Variants in ACSS3 observed in about 807,000 individuals in gnomAD.
ACSS3 encodes the protein acyl-CoA synthetase short-chain family member 3, mitochondrial.
A neutral mutation model predicts 84.2 loss-of-function variants in ACSS3; 64 were observed. That is an observed-to-expected ratio of 0.76 (90% CI 0.62 to 0.94). The LOEUF (loss-of-function observed/expected upper bound fraction) is 0.94. Ranked by LOEUF, ACSS3 falls within the 40% of genes least tolerant of loss-of-function variation. The pLI is 0.00. For missense variants in ACSS3, 815 were observed against 867.6 expected (o/e 0.94, Z 0.76); for synonymous variants, 317 against 310.1 (o/e 1.02, Z -0.23).
intron 2 of ACSS3, among the ~76,000 whole-genome samples, chr12:81,117,636 C>G (rs922927629): frequency 6.6e-6 from 1 of 152,088 alleles, no homozygotes; most frequent in African/African-American, 2.4e-5. Flanking sequence ...CATATAGAAC[C>G]TTGCAGGCCA....
At chr12:81,121,081 C>G (rs566831336) in intron 2 of ACSS3, among the ~76,000 whole-genome samples, 2 of 152,292 alleles carry the variant, frequency 1.3e-5, no homozygotes, top group Admixed American at 6.5e-5. Flanking sequence ...CCAGCTATTG[C>G]AATGATCTCA....
At chr12:81,189,572 G>A (rs2031458943) in intron 8 of ACSS3, among the ~76,000 whole-genome samples, 1 of 151,860 alleles carries the variant, frequency 6.6e-6, no homozygotes, top group Non-Finnish European at 1.5e-5. Context: ...TAATTTGTAG[G>A]AGTTTTTCAT....
rs756118940 is a variant in ACSS3 at position 81,257,959 on chromosome 12, T to A, written c.*3037T>A. ...AATTGATTTTAGTGATTGAGTGTTA[T>A]ATAATAGTAGATACAAATCTAGTTA... On this transcript the variant is annotated 3_prime_UTR_variant, in exon 16 of 16. Transcript: ENST00000548058. The A allele has an allele frequency of 3.3e-5, 5 of 152,192 alleles. No homozygotes were observed. The highest frequency in any genetic ancestry group is 1.2e-4 in the African/African-American group (5 of 41,462). The allele number at this position is 152,192 out of a possible 1,614,324, so 9.4% of individuals were successfully genotyped here. A position where few individuals can be genotyped will look rare whatever the true frequency, so the allele number is the denominator to read the frequency against.
intron 13 of ACSS3, among the ~76,000 whole-genome samples, chr12:81,234,004 A>G (rs1565735739): frequency 6.6e-6 from 1 of 151,594 alleles, no homozygotes; most frequent in East Asian, 1.9e-4. Context: ...CCATCACCAC[A>G]GAAAGGATAC....
intron 1 of ACSS3, 87 bp from the exon 2 acceptor site, chr12:81,109,473 C>T: frequency 6.9e-7 from 1 of 1,459,604 alleles, no homozygotes; most frequent in Non-Finnish European, 9.2e-7. Context: ...AAGGCCAGCT[C>T]TATCAAACTA....
At chr12:81,106,619 T>C (rs1307207697) in intron 1 of ACSS3, among the ~76,000 whole-genome samples, 2 of 152,198 alleles carry the variant, frequency 1.3e-5, no homozygotes, top group African/African-American at 2.4e-5. Flanking sequence ...TAGAGGTATA[T>C]AGTTTTTATC....
chr12:81,079,941 A>G (rs7301969), intron 1 of ACSS3, among the ~76,000 whole-genome samples: 64,054 of 152,060 alleles, frequency 0.42, 15,515 homozygotes, highest in Non-Finnish European at 0.56. Context: ...TTGTATTCTC[A>G]GACCATAATT....
chr12:81,123,381 G>C (rs560782872), intron 2 of ACSS3, among the ~76,000 whole-genome samples: 4 of 152,278 alleles, frequency 2.6e-5, no homozygotes, highest in Admixed American at 1.3e-4. Flanking sequence ...AACTTTTAGA[G>C]TGTCTATTTT....
At chr12:81,141,364 T>C (rs1886085102) in intron 4 of ACSS3, among the ~76,000 whole-genome samples, 1 of 152,162 alleles carries the variant, frequency 6.6e-6, no homozygotes, top group African/African-American at 2.4e-5. Flanking sequence ...GTGGTGTGTC[T>C]TATTAACCAG....
At chr12:81,095,457 C>A (rs910275154) in intron 1 of ACSS3, among the ~76,000 whole-genome samples, 1 of 152,104 alleles carries the variant, frequency 6.6e-6, no homozygotes, top group Admixed American at 6.5e-5. Context: ...TAGATTAAAC[C>A]AAATCCTATG....
At chr12:81,119,523 A>C (rs1331092777) in intron 2 of ACSS3, among the ~76,000 whole-genome samples, 2 of 152,106 alleles carry the variant, frequency 1.3e-5, no homozygotes, top group Non-Finnish European at 2.9e-5. Context: ...CAACCACATA[A>C]GACAGACACT....
At chr12:81,134,506 A>G (rs560084863) in intron 2 of ACSS3, among the ~76,000 whole-genome samples, 2 of 152,030 alleles carry the variant, frequency 1.3e-5, no homozygotes, top group African/African-American at 4.8e-5. Context: ...TACATTCCCA[A>G]CTCTTACATA....
chr12:81,179,916 A>C (rs2135838737), intron 8 of ACSS3, among the ~76,000 whole-genome samples: 1 of 152,316 alleles, frequency 6.6e-6, no homozygotes, highest in South Asian at 2.1e-4. Flanking sequence ...TAAAGGAAGC[A>C]TGATGCTGTC....
chr12:81,109,838 T>C (rs1883424515), intron 2 of ACSS3, 134 bp downstream of exon 2: 2 of 750,610 alleles, frequency 2.7e-6, no homozygotes, highest in Non-Finnish European at 4.0e-6. Flanking sequence ...TTGATACACA[T>C]TGGAAATGAA....
chr12:81,191,857 A>G (rs1288824745), intron 8 of ACSS3, among the ~76,000 whole-genome samples: 1 of 152,052 alleles, frequency 6.6e-6, no homozygotes, highest in Non-Finnish European at 1.5e-5. Context: ...ACTTTCATTG[A>G]GTTTATAATT....
chr12:81,139,327 T>C, intron 4 of ACSS3, 62 bp downstream of exon 4: 1 of 1,565,716 alleles, frequency 6.4e-7, no homozygotes, highest in East Asian at 2.2e-5. Context: ...AGTTTAGTTT[T>C]TACCATTTAA....
chr12:81,223,187 C>A (rs372795744), intron 11 of ACSS3, among the ~76,000 whole-genome samples: 1 of 151,990 alleles, frequency 6.6e-6, no homozygotes, highest in Non-Finnish European at 1.5e-5. Flanking sequence ...GATGGACAAA[C>A]GTTTTCCTCT....
At chr12:81,093,331 T>G (rs1042503656) in intron 1 of ACSS3, among the ~76,000 whole-genome samples, 10 of 151,910 alleles carry the variant, frequency 6.6e-5, no homozygotes, top group Non-Finnish European at 1.3e-4. Flanking sequence ...CTCATGCCTG[T>G]TGTCTCAGCT....
At chr12:81,217,736 G>A (rs2032972814) in intron 10 of ACSS3, among the ~76,000 whole-genome samples, 1 of 152,052 alleles carries the variant, frequency 6.6e-6, no homozygotes. Flanking sequence ...CCAGCTACTT[G>A]GGAGGCTGAG....
Sources: gnomAD v4.1 joint callset for allele counts (sites outside exome capture counted in the v4.1 genomes callset) on GRCh38, gnomAD v4.1.1 for gene constraint, MANE v1.5 for transcripts, NCBI Gene and HGNC (gene_info 2026-07-23, HGNC 2026-07-21) for gene names.